The following CLEC2D variants were observed in gnomAD, a reference collection of about 807,000 sequenced individuals.
CLEC2D encodes the protein C-type lectin domain family 2 member D.
In CLEC2D, 16 loss-of-function variants were observed where a neutral mutation model predicts 20.0. The ratio of observed to expected loss-of-function variants is 0.80; its 90% CI spans 0.54 to 1.22. CLEC2D has a LOEUF of 1.22. Ranked by LOEUF, CLEC2D falls within the 50% of genes most tolerant of loss-of-function variation. The pLI is 0.00. For missense variants in CLEC2D, 207 were observed against 221.5 expected, an observed-to-expected ratio of 0.93 and a Z score of 0.42; for synonymous variants, 77 against 71.1, an observed-to-expected ratio of 1.08 and a Z score of -0.42.
rs759299350 is a variant in CLEC2D at position 9,684,775 on chromosome 12, G to A, written c.173-3127G>A. Among the ~76,000 whole-genome samples the A allele has an allele frequency of 9.9e-5, 15 of 152,172 alleles. No individual in the cohort carries two copies. The East Asian group carries it at 1.4e-3, about 14-fold the overall frequency. On this transcript the variant is annotated intron_variant, in intron 2 of 4. Coordinates refer to ENST00000290855, the MANE Select transcript of CLEC2D (RefSeq NM_013269.6). Reference sequence around the variant, plus strand: ...AAGCTTTTGATGTGCTGCTGGATTCGGCTGGCCAGTATTTTATTGAGGATT... The same window carrying A: ...AAGCTTTTGATGTGCTGCTGGATTCAGCTGGCCAGTATTTTATTGAGGATT...
chr12:9,692,482 C>G (rs1865889309), intron 3 of CLEC2D, among the ~76,000 whole-genome samples: 2 of 152,060 alleles, frequency 1.3e-5, no homozygotes, highest in Admixed American at 1.3e-4. Context: ...CCTAAAAATT[C>G]TATTCTAGGA....
At position 9,681,009 on chromosome 12, in the gene CLEC2D, T is replaced by G; in HGVS notation, c.148T>G (p.Cys50Gly). Residue 50 changes from cysteine to glycine, a missense_variant, in exon 2 of 5, where the codon TGT becomes GGT. Physicochemically the swap from Cys to Gly is radical, Grantham distance 159. Coordinates refer to ENST00000290855, the MANE Select transcript of CLEC2D (RefSeq NM_013269.6). Reference sequence around the variant, plus strand: ...AATCATGTTTCTGACAATCATAGTGTGTGGAATGGTTGCTGCTTTAAGCGG... The same window carrying G: ...AATCATGTTTCTGACAATCATAGTGGGTGGAATGGTTGCTGCTTTAAGCGG... Reference protein sequence around the residue: ...FLIMFLTIIVCGMVAALSAIR... With the variant: ...FLIMFLTIIVGGMVAALSAIR... 1 of 1,591,226 alleles carries G rather than the reference T, an allele frequency of 6.3e-7. No homozygotes were observed. The highest frequency in any genetic ancestry group is 8.6e-7 in the Non-Finnish European group (1 of 1,160,218).
In CLEC2D at chr12:9,698,177, G is replaced by T. The variant is rs1201989539; in HGVS notation, c.*3303G>T. 1 of 152,186 alleles carries T rather than the reference G, an allele frequency of 6.6e-6. No individual in the cohort carries two copies. Among genetic ancestry groups the T allele is most frequent in the Non-Finnish European group, 1.5e-5 (1 of 68,026 alleles). The allele number at this position is 152,186 out of a possible 1,614,324, so 9.4% of individuals were successfully genotyped here. On this transcript the variant is annotated 3_prime_UTR_variant, in exon 5 of 5. Coordinates refer to ENST00000290855, the MANE Select transcript of CLEC2D (RefSeq NM_013269.6). ...CTGATATATGTGTACACTATGGAAT[G>T]ATTAAATCAAACTAACATTTCATCA...
Position 9,695,078 on chromosome 12 carries a change from C to G in CLEC2D, c.*204C>G, listed in dbSNP as rs1865951006. On this transcript the variant is annotated 3_prime_UTR_variant, in exon 5 of 5. Coordinates refer to ENST00000290855, the MANE Select transcript of CLEC2D (RefSeq NM_013269.6). ...GCTAATATTACCTGTTCTCCCACTG[C>G]TAATGACATACCCGAGACTGAGTAA... 5 of 581,128 alleles carry G rather than the reference C, an allele frequency of 8.6e-6. No homozygotes were observed. The highest frequency in any genetic ancestry group is 1.5e-5 in the Non-Finnish European group (5 of 326,452). The allele number at this position is 581,128 out of a possible 1,614,324, so 36.0% of individuals were successfully genotyped here. A position where few individuals can be genotyped will look rare whatever the true frequency, so the allele number is the denominator to read the frequency against.
intron 2 of CLEC2D, among the ~76,000 whole-genome samples, chr12:9,682,015 T>C (rs1033892198): frequency 9.8e-5 from 15 of 152,316 alleles, no homozygotes; most frequent in Admixed American, 9.8e-4. Flanking sequence ...TATTCTGAAA[T>C]ATAATTTAAA....
At chr12:9,691,429 A>G (rs757608701) in intron 3 of CLEC2D, among the ~76,000 whole-genome samples, 2 of 152,318 alleles carry the variant, frequency 1.3e-5, no homozygotes, top group Admixed American at 6.5e-5. Flanking sequence ...ACAGGCATAT[A>G]CAGAAGAATC....
chr12:9,671,998 G>A (rs991332944), intron 1 of CLEC2D, among the ~76,000 whole-genome samples: 1 of 151,620 alleles, frequency 6.6e-6, no homozygotes, highest in Non-Finnish European at 1.5e-5. Context: ...CACATATATA[G>A]ACTCTGTCTT....
At chr12:9,683,623 A>T (rs1865691459) in intron 2 of CLEC2D, among the ~76,000 whole-genome samples, 1 of 152,148 alleles carries the variant, frequency 6.6e-6, no homozygotes, top group Non-Finnish European at 1.5e-5. Flanking sequence ...CATTTATTAA[A>T]TAGGGAATCC....
chr12:9,694,844 G>A lies in CLEC2D; in HGVS notation c.546G>A (p.Trp182Ter). The A allele has an allele frequency of 6.2e-7, 1 of 1,609,136 alleles. No homozygotes were observed. Among genetic ancestry groups the A allele is most frequent in the Non-Finnish European group, 8.5e-7 (1 of 1,175,716 alleles). Residue 182 changes from tryptophan to a stop codon, truncating the protein, a stop_gained, in exon 5 of 5, where the codon TGG becomes TGA. Coordinates refer to ENST00000290855, the MANE Select transcript of CLEC2D (RefSeq NM_013269.6). LOFTEE classifies it high-confidence loss of function. Reference protein sequence around the residue: ...SSARHYTERKWICSKSDIHV With the variant: ...SSARHYTERK ...CCAGGCACTACACAGAGAGGAAGTG[G>A]ATTTGTTCCAAATCAGATATACATG...
At chr12:9,670,773 T>C (rs988841555) in intron 1 of CLEC2D, among the ~76,000 whole-genome samples, 2 of 152,210 alleles carry the variant, frequency 1.3e-5, no homozygotes, top group African/African-American at 4.8e-5. Flanking sequence ...GGGATCTGGT[T>C]CCAATGTCAG....
chr12:9,678,863 A>G (rs919402629), intron 1 of CLEC2D, among the ~76,000 whole-genome samples: 4 of 152,048 alleles, frequency 2.6e-5, no homozygotes, highest in Admixed American at 2.6e-4. Flanking sequence ...TTTTTCCTGC[A>G]TTTTTAGTTT....
chr12:9,682,974 G>C (rs1445723827), intron 2 of CLEC2D, among the ~76,000 whole-genome samples: 1 of 152,186 alleles, frequency 6.6e-6, no homozygotes, highest in African/African-American at 2.4e-5. Context: ...CAGTGTAAAA[G>C]TGTTCCTATT....
chr12:9,671,286 C>T (rs1189623103), intron 1 of CLEC2D, among the ~76,000 whole-genome samples: 1 of 152,160 alleles, frequency 6.6e-6, no homozygotes, highest in African/African-American at 2.4e-5. Flanking sequence ...TGCAGTGGCG[C>T]GATCTCGGCT....
chr12:9,695,570 A>T lies in CLEC2D; in HGVS notation c.*696A>T, dbSNP rs1457588251. ...GATGAACTGCACATTGTTGAAGCAGAGGCCATGAATGACGAAGGCAGTCCA... is the reference window on the plus strand; with the variant it reads ...GATGAACTGCACATTGTTGAAGCAGTGGCCATGAATGACGAAGGCAGTCCA... On this transcript the variant is annotated 3_prime_UTR_variant, in exon 5 of 5. Transcript: ENST00000290855. The T allele has an allele frequency of 7.0e-7, 1 of 1,436,128 alleles. No individual in the cohort carries two copies. Among genetic ancestry groups the T allele is most frequent in the African/African-American group, 1.4e-5 (1 of 71,342 alleles). 89.0% of individuals were successfully genotyped at this position (1,436,128 alleles called of 1,614,324 possible).
rs769857726 is a variant in CLEC2D, at chr12:9,698,526, C to A, written c.*3652C>A. 1.3e-5 allele frequency: 2 copies of A among 152,092 alleles called. No individual in the cohort carries two copies. The highest frequency in any genetic ancestry group is 3.9e-4 in the East Asian group (2 of 5,180). 9.4% of individuals were successfully genotyped at this position (152,092 alleles called of 1,614,324 possible). A position where few individuals can be genotyped will look rare whatever the true frequency, so the allele number is the denominator to read the frequency against. On this transcript the variant is annotated 3_prime_UTR_variant, in exon 5 of 5. Transcript: ENST00000290855. The stretch of plus-strand genomic sequence containing the variant: ...CCATATATAAAAACCAACTGAAAAT[C>A]GATTAAAGACTTAAACTGTAAAACT...
Position 9,696,562 on chromosome 12 carries a change from A to G in CLEC2D, c.*1688A>G. 4.9e-6 allele frequency: 1 copy of G among 203,504 alleles called. No individual in the cohort carries two copies. Among genetic ancestry groups the G allele is most frequent in the Non-Finnish European group, 1.0e-5 (1 of 99,598 alleles). The allele number at this position is 203,504 out of a possible 1,614,324, so 12.6% of individuals were successfully genotyped here. A position where few individuals can be genotyped will look rare whatever the true frequency, so the allele number is the denominator to read the frequency against. On this transcript the variant is annotated 3_prime_UTR_variant, in exon 5 of 5. Coordinates refer to ENST00000290855, the MANE Select transcript of CLEC2D (RefSeq NM_013269.6). ...TTTTAATAAAGTAAAAAAAAAAAAA[A>G]AGGTATGGGGAAAACTGCCCCCATA...
At position 9,696,786 on chromosome 12, in the gene CLEC2D, TAGAA is replaced by T. The variant is rs1156844570; in HGVS notation, c.*1914_*1917del. 2.6e-5 allele frequency: 4 copies of T among 152,412 alleles called. No homozygotes were observed. The highest frequency in any genetic ancestry group is 5.9e-5 in the Non-Finnish European group (4 of 68,236). The allele number at this position is 152,412 out of a possible 1,614,324, so 9.4% of individuals were successfully genotyped here. On this transcript the variant is annotated 3_prime_UTR_variant, in exon 5 of 5. Transcript: ENST00000290855. ...GGAACACAGTTTGGTGCAGCCATTATAGAAAACGTCATGGAGGTTCCTAAAGAAA... is the reference window on the plus strand; with the variant it reads ...GGAACACAGTTTGGTGCAGCCATTATAACGTCATGGAGGTTCCTAAAGAAA...
chr12:9,680,688 C>T (rs118168721), intron 1 of CLEC2D, among the ~76,000 whole-genome samples: 2,000 of 152,158 alleles, frequency 0.013, 25 homozygotes, highest in Middle Eastern at 0.041. Flanking sequence ...ATGAATCTCT[C>T]CAATTGAAAG....
chr12:9,693,909 G>A (rs1229604550), intron 4 of CLEC2D: 5 of 398,900 alleles, frequency 1.3e-5, no homozygotes, highest in African/African-American at 1.1e-4. Flanking sequence ...TGGCTCAAGT[G>A]AGCCTCCCAT....
Sources: gnomAD v4.1 joint callset for allele counts (sites outside exome capture counted in the v4.1 genomes callset) on GRCh38, gnomAD v4.1.1 for gene constraint, MANE v1.5 for transcripts, NCBI Gene and HGNC (gene_info 2026-07-23, HGNC 2026-07-21) for gene names.